Variants in TNNI3K observed in about 807,000 individuals in gnomAD.
The protein encoded by TNNI3K is TNNI3 interacting kinase.
TNNI3K carries 140 observed loss-of-function variants against 114.5 expected under a neutral mutation model. The observed-to-expected ratio is 1.22, with a 90% CI of 1.07 to 1.41. TNNI3K has a LOEUF of 1.41. TNNI3K is among the 40% of genes most tolerant of loss of function. The pLI is 0.00. For missense variants in TNNI3K, 1,125 were observed against 1,007.6 expected (o/e 1.12, Z -1.58); for synonymous variants, 347 against 347.5 (o/e 1.00, Z 0.02).
At chr1:74,279,507 G>T (rs983534998) in intron 5 of TNNI3K, among the ~76,000 whole-genome samples, 3 of 152,058 alleles carry the variant, frequency 2.0e-5, no homozygotes, top group African/African-American at 4.8e-5. Flanking sequence ...TGATTCATAT[G>T]CATATTCAAA....
chr1:74,511,283 C>T (rs180852278), intron 23 of TNNI3K, among the ~76,000 whole-genome samples: 22 of 152,042 alleles, frequency 1.4e-4, no homozygotes, highest in African/African-American at 5.3e-4. Context: ...ACCTCTGCCT[C>T]CCGGGTTCAA....
chr1:74,425,813 A>G (rs1665610596), intron 17 of TNNI3K, among the ~76,000 whole-genome samples: 1 of 152,086 alleles, frequency 6.6e-6, no homozygotes, highest in Non-Finnish European at 1.5e-5. Flanking sequence ...AGAAGGAGCT[A>G]GAGGGTATTC....
intron 2 of TNNI3K, among the ~76,000 whole-genome samples, chr1:74,248,223 C>T (rs376269236): frequency 3.3e-5 from 5 of 152,244 alleles, no homozygotes; most frequent in Admixed American, 1.3e-4. Flanking sequence ...ACTAAGCCCA[C>T]GCCCACCCAG....
chr1:74,510,974 G>A (rs1443629191), intron 23 of TNNI3K, among the ~76,000 whole-genome samples: 2 of 152,086 alleles, frequency 1.3e-5, no homozygotes, highest in Non-Finnish European at 2.9e-5. Flanking sequence ...TGCAACCTCT[G>A]CCTCCCAGGT....
intron 21 of TNNI3K, chr1:74,470,410 G>C (rs1361566867): frequency 2.5e-6 from 1 of 400,512 alleles, no homozygotes; most frequent in Non-Finnish European, 4.4e-6. Flanking sequence ...TAGTGCTTCA[G>C]TGCCGTCATT....
chr1:74,343,079 T>C lies in TNNI3K; in HGVS notation c.832T>C (p.Cys278Arg). ...AGATATTTTCTTCAAATCTAGGGCA[T>C]GCTACAATGGCAAATTTGAAGTTGC... The part of the protein sequence containing the change: ...IYGDTPLHLA[C>R]YNGKFEVAKE... The change falls in exon 9 of 25, where the codon TGC (cysteine) becomes CGC (arginine). Residue 278 changes from cysteine (C) to arginine (R), a missense_variant. By Grantham distance (180) the Cys-to-Arg change is radical. Transcript: ENST00000326637. 6.2e-7 allele frequency: 1 copy of C among 1,613,486 alleles called. No individual in the cohort carries two copies. Among genetic ancestry groups the C allele is most frequent in the East Asian group, 2.2e-5 (1 of 44,856 alleles).
At chr1:74,345,300 T>C (rs1660946808) in intron 9 of TNNI3K, among the ~76,000 whole-genome samples, 1 of 152,156 alleles carries the variant, frequency 6.6e-6, no homozygotes, top group Non-Finnish European at 1.5e-5. Context: ...GTATTGGTGC[T>C]ACTGGGGACA....
chr1:74,393,651 G>A (rs1195167321), intron 17 of TNNI3K, among the ~76,000 whole-genome samples: 1 of 152,184 alleles, frequency 6.6e-6, no homozygotes, highest in Non-Finnish European at 1.5e-5. Context: ...GTATTATACA[G>A]CAGCAGTACC....
At chr1:74,487,190 A>G (rs1312931573) in intron 21 of TNNI3K, among the ~76,000 whole-genome samples, 2 of 152,170 alleles carry the variant, frequency 1.3e-5, no homozygotes, top group Admixed American at 1.3e-4. Context: ...TAAACAATAC[A>G]GAAGGAACAT....
At chr1:74,270,188 G>A (rs1349186808) in intron 4 of TNNI3K, among the ~76,000 whole-genome samples, 2 of 151,654 alleles carry the variant, frequency 1.3e-5, no homozygotes, top group Non-Finnish European at 3.0e-5. Flanking sequence ...TGTGAGAAAA[G>A]CAAAATTCAA....
At chr1:74,282,255 A>G (rs1050116078) in intron 5 of TNNI3K, among the ~76,000 whole-genome samples, 2 of 151,976 alleles carry the variant, frequency 1.3e-5, no homozygotes, top group Admixed American at 6.6e-5. Flanking sequence ...TACTGCTACC[A>G]TGGCCCATCT....
At chr1:74,524,463 G>T (rs1327564665) in intron 23 of TNNI3K, among the ~76,000 whole-genome samples, 1 of 152,182 alleles carries the variant, frequency 6.6e-6, no homozygotes, top group Non-Finnish European at 1.5e-5. Context: ...GTGACTAACT[G>T]TGGAATCTCC....
intron 17 of TNNI3K, among the ~76,000 whole-genome samples, chr1:74,387,491 C>T (rs369954294): frequency 2.0e-5 from 3 of 152,094 alleles, no homozygotes; most frequent in African/African-American, 7.2e-5. Flanking sequence ...AAAAGAGAAC[C>T]ATAGGGACTT....
At chr1:74,317,390 A>G (rs1040938804) in intron 5 of TNNI3K, among the ~76,000 whole-genome samples, 1 of 152,228 alleles carries the variant, frequency 6.6e-6, no homozygotes, top group Non-Finnish European at 1.5e-5. Context: ...TTAACTCTCA[A>G]TCTTTATAAC....
At chr1:74,366,434 G>C (rs935763467) in intron 11 of TNNI3K, 1 of 151,962 alleles carries the variant, frequency 6.6e-6, no homozygotes, top group Non-Finnish European at 1.5e-5. Context: ...GTAAACACTA[G>C]ATTGTTGGTG....
chr1:74,364,011 T>TATTATTATA, intron 11 of TNNI3K, among the ~76,000 whole-genome samples: 1 of 145,740 alleles, frequency 6.9e-6, no homozygotes, highest in Non-Finnish European at 1.5e-5. Flanking sequence ...TTATTATTAT[T>TATTATTATA]TTAGAGACAG....
intron 23 of TNNI3K, among the ~76,000 whole-genome samples, chr1:74,498,461 A>G (rs576939502): frequency 3.3e-5 from 5 of 152,318 alleles, no homozygotes; most frequent in African/African-American, 1.2e-4. Context: ...TTAAAAACAG[A>G]AATTCTCTTC....
intron 21 of TNNI3K, chr1:74,464,571 A>G (rs1453308405): frequency 5.4e-6 from 8 of 1,470,322 alleles, no homozygotes; most frequent in Non-Finnish European, 7.2e-6. Flanking sequence ...CTCAGGAGAA[A>G]TAAAATAGGC....
chr1:74,524,256 C>T (rs985974891), intron 23 of TNNI3K, among the ~76,000 whole-genome samples: 8 of 152,224 alleles, frequency 5.3e-5, no homozygotes, highest in African/African-American at 1.9e-4. Context: ...GGAATTTTAA[C>T]AGCCTGATCT....
Sources: allele counts gnomAD v4.1 joint callset (sites outside exome capture counted in the v4.1 genomes callset), GRCh38; gene constraint gnomAD v4.1.1; transcripts MANE v1.5; gene names NCBI Gene and HGNC (gene_info 2026-07-23, HGNC 2026-07-21).